TPH2: variants seen among roughly 807,000 people sequenced by gnomAD.
The protein encoded by TPH2 is tryptophan 5-hydroxylase 2.
TPH2 carries 27 observed loss-of-function variants against 59.1 expected under a neutral mutation model. The observed-to-expected ratio is 0.46, with a 90% CI of 0.34 to 0.63. The LOEUF (loss-of-function observed/expected upper bound fraction) is 0.63, where lower values mean the gene tolerates loss of function less well. TPH2 is among the 30% of genes least tolerant of loss of function. The pLI, the probability that TPH2 is intolerant of heterozygous loss-of-function variation, is 0.01. For missense variants in TPH2, 523 were observed against 588.3 expected (o/e 0.89, Z 1.15); for synonymous variants, 220 against 210.5 (o/e 1.05, Z -0.39).
chr12:71,965,014 A>G (rs919139262), intron 5 of TPH2: 1 of 152,202 alleles, frequency 6.6e-6, no homozygotes, highest in African/African-American at 2.4e-5. Context: ...TTTAGCTCCC[A>G]CTTACAAGTG....
At chr12:72,023,184 A>T (rs996245176) in intron 9 of TPH2, among the ~76,000 whole-genome samples, 1 of 152,156 alleles carries the variant, frequency 6.6e-6, no homozygotes, top group Non-Finnish European at 1.5e-5. Context: ...GGGGATAGCA[A>T]GTTTTGATGC....
At chr12:72,020,277 A>G (rs1427746485) in intron 8 of TPH2, among the ~76,000 whole-genome samples, 1 of 152,192 alleles carries the variant, frequency 6.6e-6, no homozygotes, top group Non-Finnish European at 1.5e-5. Flanking sequence ...CTGACTTTGG[A>G]AAACCTTGTC....
intron 9 of TPH2, among the ~76,000 whole-genome samples, chr12:72,028,422 T>C (rs1228261123): frequency 2.6e-5 from 4 of 152,232 alleles, no homozygotes; most frequent in Middle Eastern, 6.8e-3. Context: ...GTCAGACTTC[T>C]CCATTGGGCA....
In TPH2 at chr12:71,979,071, C is replaced by T; in HGVS notation, c.925C>T (p.Leu309Phe). 6.2e-7 allele frequency: 1 copy of T among 1,614,142 alleles called. No homozygotes were observed. The highest frequency in any genetic ancestry group is 8.5e-7 in the Non-Finnish European group (1 of 1,180,018). The change falls in exon 7 of 11, where the codon CTC becomes TTC. Residue 309 changes from leucine to phenylalanine, a missense_variant. Transcript: ENST00000333850. ...TQYIRHGSDP[L>F]YTPEPDTCHE... Reference sequence around the variant, plus strand: ...GTACATCCGGCATGGCTCAGATCCCCTCTACACCCCAGAACCGTGAGTACC... The same window carrying T: ...GTACATCCGGCATGGCTCAGATCCCTTCTACACCCCAGAACCGTGAGTACC...
At chr12:71,996,211 C>T (rs1872691840) in intron 8 of TPH2, among the ~76,000 whole-genome samples, 1 of 152,178 alleles carries the variant, frequency 6.6e-6, no homozygotes, top group African/African-American at 2.4e-5. Context: ...GTGTGGGCCT[C>T]TCCTTAAGCT....
intron 8 of TPH2, among the ~76,000 whole-genome samples, chr12:72,013,918 G>A (rs1399618665): frequency 6.6e-6 from 1 of 151,928 alleles, no homozygotes; most frequent in Non-Finnish European, 1.5e-5. Flanking sequence ...AGTGGGAGGG[G>A]ACTCTGAGGG....
chr12:71,978,368 A>C (rs556854339), intron 6 of TPH2, among the ~76,000 whole-genome samples: 1 of 152,202 alleles, frequency 6.6e-6, no homozygotes, highest in Non-Finnish European at 1.5e-5. Context: ...TTGCATTCTT[A>C]CTTTGTTTCC....
At chr12:72,023,662 T>G (rs1873485396) in intron 9 of TPH2, among the ~76,000 whole-genome samples, 3 of 151,740 alleles carry the variant, frequency 2.0e-5, no homozygotes, top group Admixed American at 1.3e-4. Flanking sequence ...AAACTCCATT[T>G]CTACAAAAAT....
intron 8 of TPH2, among the ~76,000 whole-genome samples, chr12:71,999,124 G>T (rs1872761395): frequency 6.6e-6 from 1 of 152,190 alleles, no homozygotes; most frequent in South Asian, 2.1e-4. Flanking sequence ...AGCAGCTTTT[G>T]AACTTCTTGG....
chr12:71,978,650 T>G (rs1387952854), intron 6 of TPH2, among the ~76,000 whole-genome samples: 2 of 152,224 alleles, frequency 1.3e-5, no homozygotes, highest in African/African-American at 4.8e-5. Flanking sequence ...TGTAATCAAT[T>G]TATCTGAGAT....
At chr12:72,017,382 G>A (rs974705041) in intron 8 of TPH2, among the ~76,000 whole-genome samples, 2 of 152,118 alleles carry the variant, frequency 1.3e-5, no homozygotes, top group African/African-American at 4.8e-5. Context: ...GTATGTAAAT[G>A]CCTCTGCTAT....
At chr12:72,018,469 A>G (rs988350633) in intron 8 of TPH2, among the ~76,000 whole-genome samples, 1 of 152,150 alleles carries the variant, frequency 6.6e-6, no homozygotes, top group Non-Finnish European at 1.5e-5. Context: ...GGCACACCAG[A>G]TTTTTTCAGA....
chr12:71,945,465 C>A (rs1274714839), intron 4 of TPH2, among the ~76,000 whole-genome samples: 1 of 151,954 alleles, frequency 6.6e-6, no homozygotes. Flanking sequence ...TAAAAATGGG[C>A]AGATAAAAGA....
intron 9 of TPH2, among the ~76,000 whole-genome samples, chr12:72,027,482 T>C (rs1873602794): frequency 6.6e-6 from 1 of 152,208 alleles, no homozygotes; most frequent in Non-Finnish European, 1.5e-5. Flanking sequence ...AGATGAATAC[T>C]CAAATAGGCT....
chr12:72,010,434 C>A (rs1241570233), intron 8 of TPH2, among the ~76,000 whole-genome samples: 1 of 152,170 alleles, frequency 6.6e-6, no homozygotes, highest in Admixed American at 6.5e-5. Context: ...TGCTTGGTGT[C>A]ATCTCTGAGT....
intron 7 of TPH2, among the ~76,000 whole-genome samples, chr12:71,986,242 G>T (rs1487281): frequency 0.83 from 126,223 of 152,078 alleles, 52,614 homozygotes; most frequent in East Asian, 0.96. Context: ...AAAAGCTTTA[G>T]AAAAATACCA....
At chr12:71,951,520 C>A (rs1370073172) in intron 5 of TPH2, among the ~76,000 whole-genome samples, 3 of 152,052 alleles carry the variant, frequency 2.0e-5, no homozygotes, top group African/African-American at 7.2e-5. Context: ...TTAAAATTTA[C>A]TTTTTGTATT....
chr12:72,006,396 G>A (rs1872953661), intron 8 of TPH2, among the ~76,000 whole-genome samples: 1 of 152,104 alleles, frequency 6.6e-6, no homozygotes, highest in Admixed American at 6.6e-5. Flanking sequence ...GGTTGGGGAG[G>A]TGGTGGTCAG....
Position 72,022,450 on chromosome 12 carries a change from C to A in TPH2, c.1120C>A (p.Arg374=). 2 of 1,613,936 alleles carry A rather than the reference C, an allele frequency of 1.2e-6. No individual in the cohort carries two copies. Among genetic ancestry groups the A allele is most frequent in the Non-Finnish European group, 8.5e-7 (1 of 1,179,890 alleles). ...CCTTTGCAAGCAAGAAGGGCAACTG[C>A]GGGCATATGGAGCAGGACTCCTTTC... ...FGLCKQEGQL[R]AYGAGLLSSI... is the part of the protein sequence containing the mutation. Residue 374 remains arginine, a synonymous_variant, in exon 9 of 11, where the codon CGG becomes AGG. Transcript: ENST00000333850.
Sources: gnomAD v4.1 joint callset for allele counts (sites outside exome capture counted in the v4.1 genomes callset) on GRCh38, gnomAD v4.1.1 for gene constraint, MANE v1.5 for transcripts, NCBI Gene and HGNC (gene_info 2026-07-23, HGNC 2026-07-21) for gene names.